TTN: variants seen among roughly 807,000 people sequenced by gnomAD.
TTN encodes connectin.
In TTN, 1,525 loss-of-function variants were observed where a neutral mutation model predicts 3,223.0. The ratio of observed to expected loss-of-function variants is 0.47; its 90% CI spans 0.45 to 0.49. The LOEUF (loss-of-function observed/expected upper bound fraction) is 0.49, where lower values mean the gene tolerates loss of function less well. Among genes scored for constraint, TTN ranks in the 20% least tolerant of loss-of-function variants. TTN has a pLI of 0.00. For synonymous variants in TTN, 14,094 were observed against 15,161.0 expected (o/e 0.93, Z 5.17); for missense variants, 40,786 against 43,424.0 (o/e 0.94, Z 5.40).
In TTN at chr2:178,675,979, C is replaced by A; in HGVS notation, c.34395G>T (p.Lys11465Asn). Reference sequence around the variant, plus strand: ...TGACCACTTTCTTCTCTGTCACTTTCTTCTTAATTTCAGGCACTTTAAAGA... The same window carrying A: ...TGACCACTTTCTTCTCTGTCACTTTATTCTTAATTTCAGGCACTTTAAAGA... ...PPPPKVPEIK[K>N]KVTEKKVVIP... The change falls in exon 148 of 363, where the codon AAG (lysine) becomes AAT (asparagine). Residue 11465 changes from lysine (K) to asparagine (N), a missense_variant. By Grantham distance (94) the Lys-to-Asn change is moderately conservative. Coordinates refer to ENST00000589042, the MANE Select transcript of TTN (RefSeq NM_001267550.2). The A allele has an allele frequency of 6.2e-7, 1 of 1,603,126 alleles. No individual in the cohort carries two copies. Among genetic ancestry groups the A allele is most frequent in the Non-Finnish European group, 8.5e-7 (1 of 1,173,934 alleles).
chr2:178,547,809 G>C lies in TTN; in HGVS notation c.93817C>G (p.Leu31273Val), dbSNP rs1697833909. The C allele has an allele frequency of 1.2e-6, 2 of 1,613,880 alleles. No individual in the cohort carries two copies. The highest frequency in any genetic ancestry group is 4.5e-5 in the East Asian group (2 of 44,850). ...CCTCTCATGCTGTCCTTTACAGTCA[G>C]TGTGGTTCTGTCTTTTGTTGTTGTA... ...SITTTKDRTT[L>V]TVKDSMRGDS... is the part of the protein sequence containing the mutation. Residue 31273 changes from leucine (L) to valine (V), a missense_variant, in exon 339 of 363, where the codon CTG becomes GTG. Physicochemically the swap from Leu to Val is conservative, Grantham distance 32. Transcript: ENST00000589042.
chr2:178,747,074 G>C lies in TTN; in HGVS notation c.11312-5153C>G, dbSNP rs913466792. ...ATATCTCTCTAGTGCCTCCCCTGGG[G>C]GTGTGGAATATCGCTCTAGAGTCTC... is the stretch of plus-strand genomic sequence containing the variant. On this transcript the variant is annotated intron_variant, in intron 47 of 362. Transcript: ENST00000589042. The C allele has an allele frequency of 2.5e-6, 4 of 1,612,370 alleles. No homozygotes were observed. In the African/African-American group the frequency reaches 5.4e-5, roughly 22 times the overall value.
In TTN at chr2:178,607,826, G is replaced by C. The variant is rs762800771; in HGVS notation, c.52961C>G (p.Pro17654Arg). ...VSAVNAAGEG[P>R]PGETQPVTVA... The stretch of plus-strand genomic sequence containing the variant: ...AGTAACAGGTTGTGTTTCTCCAGGC[G>C]GTCCTTCCCCTGCGGCATTGACAGC... Residue 17654 changes from proline (P) to arginine (R), a missense_variant, in exon 276 of 363, where the codon CCG (proline) becomes CGG (arginine). Transcript: ENST00000589042. The C allele has an allele frequency of 6.2e-7, 1 of 1,612,822 alleles. No individual in the cohort carries two copies. The highest frequency in any genetic ancestry group is 1.3e-5 in the African/African-American group (1 of 74,822).
At chr2:178,696,301 A>G (rs1365622378) in intron 113 of TTN, 32 bp from the exon 114 acceptor site, 35 of 1,457,346 alleles carry the variant, frequency 2.4e-5, no homozygotes, top group Non-Finnish European at 3.2e-5. Context: ...TTAGCATATT[A>G]ATTCTATCCA....
Position 178,776,147 on chromosome 2 carries a change from T to A in TTN, c.5717A>T (p.Asp1906Val), listed in dbSNP as rs1490334415. The A allele has an allele frequency of 6.2e-7, 1 of 1,614,132 alleles. No homozygotes were observed. The highest frequency in any genetic ancestry group is 1.7e-5 in the Admixed American group (1 of 60,022). Residue 1906 changes from aspartate to valine, a missense_variant, in exon 28 of 363, where the codon GAC becomes GTC. By Grantham distance (152) the Asp-to-Val change is radical. Coordinates refer to ENST00000589042, the MANE Select transcript of TTN (RefSeq NM_001267550.2). ...CGCGGTGACCTTCACTTCACCTGTG[T>A]CATATGATTTGCAGTCCACGATGTC... ...YLDIVDCKSY[D>V]TGEVKVTAEN...
Position 178,552,149 on chromosome 2 carries a change from C to G in TTN, c.90751G>C (p.Asp30251His), listed in dbSNP as rs768172616. Reference sequence around the variant, plus strand: ...CAAGTAATTTCTCCTCCTCCATTATCTTCAGGTACATCCCATGACAGGATG... The same window carrying G: ...CAAGTAATTTCTCCTCCTCCATTATGTTCAGGTACATCCCATGACAGGATG... Reference protein sequence around the residue: ...SVILSWDVPEDNGGGEITCYS... With the variant: ...SVILSWDVPEHNGGGEITCYS... Residue 30251 changes from aspartate to histidine, a missense_variant, in exon 335 of 363, where the codon GAT (aspartate) becomes CAT (histidine). Asp to His is a moderately conservative substitution (Grantham distance 81, BLOSUM62 -1). Transcript: ENST00000589042. 6.2e-7 allele frequency: 1 copy of G among 1,613,844 alleles called. No individual in the cohort carries two copies. The highest frequency in any genetic ancestry group is 8.5e-7 in the Non-Finnish European group (1 of 1,179,804).
At chr2:178,723,758 A>G (rs2078850550) in intron 73 of TTN, 62 bp from the exon 74 acceptor site, 2 of 1,529,756 alleles carry the variant, frequency 1.3e-6, no homozygotes, top group Admixed American at 2.1e-5. Flanking sequence ...TGCAATTTTG[A>G]ATAAAACATT....
Position 178,535,542 on chromosome 2 carries a change from G to A in TTN, c.101073C>T (p.Asp33691=), listed in dbSNP as rs1342398434. Residue 33691 remains aspartate, a synonymous_variant, in exon 358 of 363, where the codon GAC becomes GAT. Coordinates refer to ENST00000589042, the MANE Select transcript of TTN (RefSeq NM_001267550.2). ...TVELDVADVP[D]PPRGVKVSDV... is the part of the protein sequence containing the mutation. ...CACTAACTTTGACTCCTCTGGGTGG[G>A]TCAGGAACATCAGCCACATCCAGTT... 1 of 1,613,760 alleles carries A rather than the reference G, an allele frequency of 6.2e-7. No homozygotes were observed. Among genetic ancestry groups the A allele is most frequent in the African/African-American group, 1.3e-5 (1 of 74,910 alleles).
Position 178,775,848 on chromosome 2 carries a change from C to A in TTN, c.6016G>T (p.Glu2006Ter). Residue 2006 changes from glutamate (E) to a stop codon, truncating the protein, a stop_gained, in exon 28 of 363, where the codon GAA (glutamate) becomes TAA (stop). Coordinates refer to ENST00000589042, the MANE Select transcript of TTN (RefSeq NM_001267550.2). LOFTEE classifies it high-confidence loss of function. ...GTAATGGCTTCATAATAGCCCTCTT[C>A]TGTTCTGCGCTTGAATTTACTGCGC... ...ELRSKFKRRT[E>*]EGYYEAITAV... 6.2e-7 allele frequency: 1 copy of A among 1,614,174 alleles called. No individual in the cohort carries two copies. The highest frequency in any genetic ancestry group is 1.1e-5 in the South Asian group (1 of 91,086).
In TTN at chr2:178,598,582, G is replaced by A. The variant is rs777291480; in HGVS notation, c.57035C>T (p.Pro19012Leu). The change falls in exon 292 of 363, where the codon CCA (proline) becomes CTA (leucine). Residue 19012 changes from proline to leucine, a missense_variant. Coordinates refer to ENST00000589042, the MANE Select transcript of TTN (RefSeq NM_001267550.2). ...KSSADLEWSP[P>L]LKDGGSKVTG... Reference sequence around the variant, plus strand: ...TACTTTGGATCCACCATCTTTTAGTGGGGGAGACCACTCCAGATCTGCAGA... The same window carrying A: ...TACTTTGGATCCACCATCTTTTAGTAGGGGAGACCACTCCAGATCTGCAGA... The A allele has an allele frequency of 1.2e-6, 2 of 1,608,410 alleles. No individual in the cohort carries two copies. The highest frequency in any genetic ancestry group is 2.2e-5 in the East Asian group (1 of 44,616).
In TTN at chr2:178,563,953, T is replaced by C. The variant is rs757171629; in HGVS notation, c.82179A>G (p.Pro27393=). The change falls in exon 326 of 363, where the codon CCA becomes CCG. Residue 27393 remains proline (P), a synonymous_variant. Transcript: ENST00000589042. The surrounding 1 kb of genome is among the most constrained non-coding windows in gnomAD (Gnocchi z 4.5). ...TATTAGCACCACCATCTTGCAAAGG[T>C]GGGTTCCATGCCAGGTAACATTTTT... is the stretch of plus-strand genomic sequence containing the variant. The part of the protein sequence containing the change: ...TAEKCYLAWN[P]PLQDGGANIS... The C allele has an allele frequency of 1.3e-5, 21 of 1,613,670 alleles. No individual in the cohort carries two copies. The highest frequency in any genetic ancestry group is 1.6e-5 in the Non-Finnish European group (19 of 1,179,724).
Position 178,575,819 on chromosome 2 carries a change from G to A in TTN, c.70313C>T (p.Pro23438Leu). Residue 23438 changes from proline (P) to leucine (L), a missense_variant, in exon 326 of 363, where the codon CCA becomes CTA. Pro to Leu is a moderately conservative substitution (Grantham distance 98, BLOSUM62 -3). Coordinates refer to ENST00000589042, the MANE Select transcript of TTN (RefSeq NM_001267550.2). This position sits in a 1 kb window ranked among gnomAD's most constrained non-coding sequence, Gnocchi z 4.0. ...VNVRVLDTPG[P>L]VLNLRPTDIT... ...GTCTGTAGGCCGCAGGTTGAGGACT[G>A]GGCCTGGCGTGTCCAAGACTCTGAC... The A allele has an allele frequency of 6.2e-7, 1 of 1,613,414 alleles. No individual in the cohort carries two copies. Among genetic ancestry groups the A allele is most frequent in the Non-Finnish European group, 8.5e-7 (1 of 1,179,496 alleles).
At chr2:178,638,022 CTG>C (rs1019460389) in intron 223 of TTN, among the ~76,000 whole-genome samples, 7 of 152,000 alleles carry the variant, frequency 4.6e-5, no homozygotes, top group Non-Finnish European at 1.0e-4. Flanking sequence ...ACAGTATAAA[CTG>C]TGGAATGAGT....
At chr2:178,768,239 A>T (rs1284265946) in intron 38 of TTN, 84 bp from the exon 39 acceptor site, 11 of 1,458,188 alleles carry the variant, frequency 7.5e-6, no homozygotes, top group Non-Finnish European at 1.0e-5. Context: ...CACCAATTTA[A>T]AGTATACAAT....
chr2:178,800,963 A>G (rs773071332), intron 3 of TTN, among the ~76,000 whole-genome samples: 7 of 152,124 alleles, frequency 4.6e-5, no homozygotes, highest in Non-Finnish European at 1.0e-4. Context: ...AAAGCTCTAG[A>G]TTTTGTTATA....
rs1296646228 is a variant in TTN, at chr2:178,570,631, G to T, written c.75501C>A (p.Thr25167=). The T allele has an allele frequency of 6.2e-7, 1 of 1,613,472 alleles. No homozygotes were observed. Among genetic ancestry groups the T allele is most frequent in the Non-Finnish European group, 8.5e-7 (1 of 1,179,630 alleles). The change falls in exon 326 of 363, where the codon ACC becomes ACA. Residue 25167 remains threonine, a synonymous_variant. Coordinates refer to ENST00000589042, the MANE Select transcript of TTN (RefSeq NM_001267550.2). ...GTACTGCATCTTTTACACTGAGACT[G>T]GTGGCAAAGTCGGTGCTCTTTATTT... The part of the protein sequence containing the change: ...RLEIKSTDFA[T]SLSVKDAVRV...
At chr2:178,748,551 C>A (rs772468131) in intron 47 of TTN, 5 of 1,612,986 alleles carry the variant, frequency 3.1e-6, no homozygotes, top group East Asian at 2.2e-5. Flanking sequence ...TGTTTTAGAT[C>A]AAATACAATG....
In TTN at chr2:178,621,826, G is replaced by T; in HGVS notation, c.45082+14C>A. ...CCAACACATATACTTCACAAAGAAT[G>T]ACTTTACTCTTACCCAGAACTGTCA... On this transcript the variant is annotated intron_variant, in intron 244 of 362. Transcript: ENST00000589042. 1 of 1,611,220 alleles carries T rather than the reference G, an allele frequency of 6.2e-7. No homozygotes were observed. The highest frequency in any genetic ancestry group is 1.1e-5 in the South Asian group (1 of 90,726).
chr2:178,567,514 A>G lies in TTN; in HGVS notation c.78618T>C (p.Asn26206=). 1 of 1,612,530 alleles carries G rather than the reference A, an allele frequency of 6.2e-7. No homozygotes were observed. Among genetic ancestry groups the G allele is most frequent in the Non-Finnish European group, 8.5e-7 (1 of 1,179,310 alleles). Residue 26206 remains asparagine (N), a synonymous_variant, in exon 326 of 363, where the codon AAT becomes AAC. Transcript: ENST00000589042. The part of the protein sequence containing the change: ...DPKFRDTIVV[N]AGETFRLEAD... ...CCTCAAGTCTGAATGTTTCTCCAGCATTTACCACAATTGTGTCTCTGAATT... is the reference window on the plus strand; with the variant it reads ...CCTCAAGTCTGAATGTTTCTCCAGCGTTTACCACAATTGTGTCTCTGAATT...
Sources: gnomAD v4.1 joint callset for allele counts (sites outside exome capture counted in the v4.1 genomes callset) on GRCh38, gnomAD v4.1.1 for gene constraint, Gnocchi (gnomAD v3.1) non-coding constraint, MANE v1.5 for transcripts, NCBI Gene and HGNC (gene_info 2026-07-23, HGNC 2026-07-21) for gene names.